The following NCKAP5 variants were observed in gnomAD, a reference collection of about 807,000 sequenced individuals.
NCKAP5 encodes the protein nck-associated protein 5.
NCKAP5 carries 92 observed loss-of-function variants against 167.0 expected under a neutral mutation model. The ratio of observed to expected loss-of-function variants is 0.55; its 90% CI spans 0.47 to 0.66. The LOEUF is 0.66. NCKAP5 is among the 30% of genes least tolerant of loss of function. The pLI is 0.00. For synonymous variants in NCKAP5, 891 were observed against 877.4 expected (o/e 1.02, Z -0.27); for missense variants, 2,378 against 2,315.0 (o/e 1.03, Z -0.56).
chr2:133,230,535 C>T (rs1235567847), intron 4 of NCKAP5, among the ~76,000 whole-genome samples: 1 of 152,160 alleles, frequency 6.6e-6, no homozygotes, highest in Non-Finnish European at 1.5e-5. Context: ...TGACTGAGTT[C>T]TAATGTTACA....
intron 19 of NCKAP5, among the ~76,000 whole-genome samples, chr2:132,690,173 T>A (rs1192627218): frequency 6.6e-6 from 1 of 152,156 alleles, no homozygotes; most frequent in East Asian, 1.9e-4. Flanking sequence ...TGTCTCCCCA[T>A]GTCTGTGTGG....
chr2:133,191,010 G>T (rs1306257254), intron 5 of NCKAP5, among the ~76,000 whole-genome samples: 1 of 152,058 alleles, frequency 6.6e-6, no homozygotes, highest in Admixed American at 6.6e-5. Context: ...GAAAATTTTT[G>T]CATTCTACCC....
At chr2:133,128,241 C>T (rs532893842) in intron 6 of NCKAP5, among the ~76,000 whole-genome samples, 35 of 152,298 alleles carry the variant, frequency 2.3e-4, no homozygotes, top group South Asian at 1.0e-3. Flanking sequence ...TTTCTCATGA[C>T]GATTTTAGGG....
intron 16 of NCKAP5, among the ~76,000 whole-genome samples, chr2:132,772,559 A>C (rs754767094): frequency 2.6e-5 from 4 of 152,234 alleles, no homozygotes; most frequent in Non-Finnish European, 4.4e-5. Context: ...GGCTTTGCAC[A>C]ATGTCATGTT....
At position 133,536,324 on chromosome 2, in the gene NCKAP5, G is replaced by C. The variant is rs1279797512; in HGVS notation, c.-61-18737C>G. Among the ~76,000 whole-genome samples, 3 of 152,012 alleles carry C rather than the reference G, an allele frequency of 2.0e-5. No individual in the cohort carries two copies. The East Asian group carries it at 5.8e-4, about 29-fold the overall frequency. ...GAGTTAATTTTTATATATGGTGAGA[G>C]GTAGGGGTCCAGTTTCATTCTTCTA... On this transcript the variant is annotated intron_variant, in intron 2 of 19. Transcript: ENST00000409261.
intron 11 of NCKAP5, among the ~76,000 whole-genome samples, chr2:132,801,428 G>A (rs1685024499): frequency 6.6e-6 from 1 of 152,088 alleles, no homozygotes; most frequent in Admixed American, 6.6e-5. Context: ...TGTGTACATA[G>A]GTGCACACAC....
chr2:133,536,769 T>C (rs1370127682), intron 2 of NCKAP5, among the ~76,000 whole-genome samples: 1 of 152,030 alleles, frequency 6.6e-6, no homozygotes, highest in East Asian at 1.9e-4. Context: ...GCTTTTTTTC[T>C]TTCCTGCTAA....
At chr2:133,072,477 G>A (rs1252538559) in intron 6 of NCKAP5, among the ~76,000 whole-genome samples, 1 of 152,098 alleles carries the variant, frequency 6.6e-6, no homozygotes, top group Non-Finnish European at 1.5e-5. Context: ...GTCCCTGAGT[G>A]CAGACAATTT....
intron 4 of NCKAP5, among the ~76,000 whole-genome samples, chr2:133,258,010 C>G (rs745680363): frequency 1.3e-5 from 2 of 152,184 alleles, no homozygotes; most frequent in Non-Finnish European, 2.9e-5. Context: ...GCAGGAAGCG[C>G]TAAAGACTGC....
chr2:133,040,991 C>T (rs568101219), intron 6 of NCKAP5, among the ~76,000 whole-genome samples: 7 of 152,176 alleles, frequency 4.6e-5, no homozygotes, highest in Admixed American at 6.5e-5. Flanking sequence ...GAAAGAGGTT[C>T]GGAATGGCCT....
rs377493685 is a variant in NCKAP5 at position 132,790,016 on chromosome 2, G to A, written c.1092+7C>T. ...TTCTGGTTCATTCCGATGCCACAGTGCCTTACCCTTTTCCTGAGGTTCTTC... is the reference window on the plus strand; with the variant it reads ...TTCTGGTTCATTCCGATGCCACAGTACCTTACCCTTTTCCTGAGGTTCTTC... On this transcript the variant is annotated splice_region_variant and intron_variant, in intron 13 of 19. Coordinates refer to ENST00000409261, the MANE Select transcript of NCKAP5 (RefSeq NM_207363.3). 2.5e-6 allele frequency: 4 copies of A among 1,609,906 alleles called. No homozygotes were observed. The highest frequency in any genetic ancestry group is 3.4e-6 in the Non-Finnish European group (4 of 1,177,688).
chr2:132,989,641 A>T (rs969791079), intron 7 of NCKAP5, among the ~76,000 whole-genome samples: 3 of 152,124 alleles, frequency 2.0e-5, no homozygotes, highest in Admixed American at 1.3e-4. Context: ...AATATATCTC[A>T]GTTTACTTTA....
chr2:133,132,611 C>T (rs1040725949), intron 5 of NCKAP5, among the ~76,000 whole-genome samples: 9 of 151,062 alleles, frequency 6.0e-5, no homozygotes, highest in African/African-American at 2.2e-4. Flanking sequence ...ACGTGTATTT[C>T]TATTAATCCA....
chr2:132,778,232 T>C (rs1333022086), intron 15 of NCKAP5, among the ~76,000 whole-genome samples: 2 of 152,028 alleles, frequency 1.3e-5, no homozygotes, highest in Admixed American at 1.3e-4. Context: ...TTGTCTAAAT[T>C]ACACAAAAAT....
chr2:132,929,631 G>A (rs1696204462), intron 8 of NCKAP5, among the ~76,000 whole-genome samples: 1 of 152,138 alleles, frequency 6.6e-6, no homozygotes, highest in South Asian at 2.1e-4. Context: ...GTTCTTTAGG[G>A]TCTAGGAGCA....
intron 7 of NCKAP5, among the ~76,000 whole-genome samples, chr2:132,993,917 A>AT (rs1157872914): frequency 6.7e-6 from 1 of 149,808 alleles, no homozygotes; most frequent in Admixed American, 6.6e-5. Context: ...CCACAAACTT[A>AT]TTTTTTGCAT....
At chr2:133,172,723 C>G (rs1012350747) in intron 5 of NCKAP5, among the ~76,000 whole-genome samples, 2 of 152,164 alleles carry the variant, frequency 1.3e-5, no homozygotes, top group African/African-American at 2.4e-5. Context: ...TCTGGGCTCA[C>G]TGCAAGCTCC....
intron 3 of NCKAP5, among the ~76,000 whole-genome samples, chr2:133,479,791 C>T (rs567742636): frequency 9.2e-5 from 14 of 151,990 alleles, no homozygotes; most frequent in South Asian, 4.2e-4. Context: ...ACAGAATAAT[C>T]GAAATTTATG....
At chr2:133,376,235 C>T (rs1180176528) in intron 3 of NCKAP5, among the ~76,000 whole-genome samples, 2 of 152,280 alleles carry the variant, frequency 1.3e-5, no homozygotes, top group East Asian at 1.9e-4. Context: ...AATTAATACA[C>T]TTATGAAGAC....
Sources: gnomAD v4.1 joint callset for allele counts (sites outside exome capture counted in the v4.1 genomes callset) on GRCh38, gnomAD v4.1.1 for gene constraint, MANE v1.5 for transcripts, NCBI Gene and HGNC (gene_info 2026-07-23, HGNC 2026-07-21) for gene names.